The following CEP15 variants were observed in gnomAD, a reference collection of about 807,000 sequenced individuals.
CEP15 encodes centrosomal protein 15 kDa.
chr3:62,322,506 T>C, the CEP15 span: 1 of 158,830 alleles, frequency 6.3e-6, no homozygotes, highest in Non-Finnish European at 1.4e-5. The surrounding 1 kb of genome is among the most constrained non-coding windows in gnomAD (Gnocchi z 5.5). Context: ...AGAATTCATA[T>C]CTATGATAAC....
At chr3:62,331,849 G>A in the CEP15 span, among the ~76,000 whole-genome samples, 10 of 152,106 alleles carry the variant, frequency 6.6e-5, no homozygotes, top group African/African-American at 2.4e-4. Context: ...GTTTTATTTT[G>A]TTCAGTTCAA....
chr3:62,335,861 T>C, the CEP15 span: 2 of 152,126 alleles, frequency 1.3e-5, no homozygotes, highest in Admixed American at 6.6e-5. Flanking sequence ...ACTTCTGGTA[T>C]ATGAAATTAT....
the CEP15 span, chr3:62,321,973 T>C: frequency 6.2e-7 from 1 of 1,607,318 alleles, no homozygotes; most frequent in Non-Finnish European, 8.5e-7. The surrounding 1 kb of genome is among the most constrained non-coding windows in gnomAD (Gnocchi z 4.1). Context: ...GGAGAATAAA[T>C]TGGGTGATCA....
the CEP15 span, among the ~76,000 whole-genome samples, chr3:62,326,952 TTCAG>T: frequency 2.6e-5 from 4 of 152,248 alleles, no homozygotes; most frequent in Non-Finnish European, 4.4e-5. Flanking sequence ...TCCTCAAGTA[TTCAG>T]TCAGAGTTCA....
At chr3:62,334,234 T>G in the CEP15 span, 2 of 147,882 alleles carry the variant, frequency 1.4e-5, no homozygotes, top group Non-Finnish European at 3.0e-5. The surrounding 1 kb of genome is among the most constrained non-coding windows in gnomAD (Gnocchi z 4.9). Context: ...GCTTGAGCAC[T>G]TAAAAAAAAA....
the CEP15 span, among the ~76,000 whole-genome samples, chr3:62,329,327 G>A: frequency 1.3e-5 from 2 of 152,074 alleles, no homozygotes; most frequent in African/African-American, 4.8e-5. Flanking sequence ...AGTTTCATTT[G>A]GTTGAGAAGT....
chr3:62,331,191 G>A, the CEP15 span: 2 of 633,874 alleles, frequency 3.2e-6, no homozygotes, highest in Non-Finnish European at 5.5e-6. Context: ...TCCTACCATA[G>A]TGTGCCTCCA....
At chr3:62,332,672 T>A in the CEP15 span, among the ~76,000 whole-genome samples, 1 of 152,116 alleles carries the variant, frequency 6.6e-6, no homozygotes, top group East Asian at 1.9e-4. Flanking sequence ...TAAATTATAT[T>A]GACATTTTGT....
At chr3:62,320,200 C>G in the CEP15 span, among the ~76,000 whole-genome samples, 2 of 152,028 alleles carry the variant, frequency 1.3e-5, no homozygotes, top group Non-Finnish European at 2.9e-5. Flanking sequence ...GTTTTTAATT[C>G]TGATTAAGGT....
the CEP15 span, among the ~76,000 whole-genome samples, chr3:62,324,908 G>A: frequency 6.6e-6 from 1 of 152,140 alleles, no homozygotes; most frequent in Non-Finnish European, 1.5e-5. Context: ...GAAAAGGAAA[G>A]TATAACACTA....
At chr3:62,329,490 G>C in the CEP15 span, among the ~76,000 whole-genome samples, 13 of 152,202 alleles carry the variant, frequency 8.5e-5, no homozygotes, top group Non-Finnish European at 1.8e-4. Flanking sequence ...AGAAAAATTA[G>C]CGAGCTAAAG....
chr3:62,327,478 G>T, the CEP15 span, among the ~76,000 whole-genome samples: 1 of 84,638 alleles, frequency 1.2e-5, no homozygotes. Flanking sequence ...TTAGTGCTCA[G>T]TAGCCACATG....
the CEP15 span, chr3:62,321,889 T>G: frequency 6.7e-7 from 1 of 1,482,796 alleles, no homozygotes; most frequent in South Asian, 1.3e-5. This position sits in a 1 kb window ranked among gnomAD's most constrained non-coding sequence, Gnocchi z 4.1. Context: ...AATGTTTGCT[T>G]TTACTTTTTT....
chr3:62,319,353 T>A, the CEP15 span: 4 of 152,204 alleles, frequency 2.6e-5, no homozygotes, highest in African/African-American at 9.7e-5. Flanking sequence ...GCTGCATTAA[T>A]TGGCCTCGTT....
the CEP15 span, chr3:62,319,692 G>A: frequency 6.6e-6 from 1 of 152,216 alleles, no homozygotes; most frequent in Non-Finnish European, 1.5e-5. Flanking sequence ...ATTTCAGGAA[G>A]GAATTTTATT....
chr3:62,329,089 A>G, the CEP15 span, among the ~76,000 whole-genome samples: 1 of 152,086 alleles, frequency 6.6e-6, no homozygotes, highest in African/African-American at 2.4e-5. Context: ...TAGAGTAAGT[A>G]CTCCTCAAGT....
At chr3:62,329,978 T>G in the CEP15 span, among the ~76,000 whole-genome samples, 1 of 152,158 alleles carries the variant, frequency 6.6e-6, no homozygotes, top group South Asian at 2.1e-4. Flanking sequence ...CATCAAAAGC[T>G]CTTTAGCAGG....
the CEP15 span, among the ~76,000 whole-genome samples, chr3:62,329,986 A>C: frequency 6.6e-6 from 1 of 152,198 alleles, no homozygotes; most frequent in Non-Finnish European, 1.5e-5. Flanking sequence ...GCTCTTTAGC[A>C]GGCATCTTAG....
the CEP15 span, chr3:62,334,108 A>G: frequency 2.6e-4 from 40 of 152,112 alleles, no homozygotes; most frequent in Middle Eastern, 3.4e-3. The surrounding 1 kb of genome is among the most constrained non-coding windows in gnomAD (Gnocchi z 4.9). Flanking sequence ...TTGTCTTTTC[A>G]TCTTTAAACT....
Sources: gnomAD v4.1 joint callset for allele counts (sites outside exome capture counted in the v4.1 genomes callset) on GRCh38, gnomAD v4.1.1 for gene constraint, Gnocchi (gnomAD v3.1) non-coding constraint, MANE v1.5 for transcripts, NCBI Gene and HGNC (gene_info 2026-07-23, HGNC 2026-07-21) for gene names.